Variants in CTU1 observed in about 807,000 individuals in gnomAD.
CTU1 encodes cytosolic thiouridylase subunit 1.
A neutral mutation model predicts 12.9 loss-of-function variants in CTU1; 15 were observed. The observed-to-expected ratio is 1.16, with a 90% CI of 0.78 to 1.79. CTU1 has a LOEUF of 1.79. CTU1 is among the 40% of genes most tolerant of loss of function. The pLI is 0.00. For missense variants in CTU1, 553 were observed against 550.5 expected (o/e 1.00, Z -0.05); for synonymous variants, 295 against 275.6 (o/e 1.07, Z -0.70).
chr19:51,102,104 A>T lies in CTU1; in HGVS notation c.508+1958T>A, dbSNP rs538920648. 5.3e-4 allele frequency among the ~76,000 whole-genome samples: 80 copies of T among 152,238 alleles called. 1 individual carries two copies. Among genetic ancestry groups the T allele is most frequent in the African/African-American group, 1.4e-3 (60 of 41,536 alleles). The stretch of plus-strand genomic sequence containing the variant: ...CTGCAACCTCCGCCTCCCGGGTTCA[A>T]GCAATTCTCCTGCCTCAGCCTCCCG... On this transcript the variant is annotated intron_variant, in intron 2 of 2. Coordinates refer to ENST00000421832, the MANE Select transcript of CTU1 (RefSeq NM_145232.4).
At position 51,102,188 on chromosome 19, in the gene CTU1, G is replaced by C. The variant is rs981553583; in HGVS notation, c.508+1874C>G. On this transcript the variant is annotated intron_variant, in intron 2 of 2. Transcript: ENST00000421832. ...TCAGCTAATTTTTGTATTCTTAGTAGAGACGGGGTTTCACCATGTTGGCCA... is the reference window on the plus strand; with the variant it reads ...TCAGCTAATTTTTGTATTCTTAGTACAGACGGGGTTTCACCATGTTGGCCA... Among the ~76,000 whole-genome samples, 3 of 152,286 alleles carry C rather than the reference G, an allele frequency of 2.0e-5. No homozygotes were observed. The South Asian group carries it at 6.2e-4, about 32-fold the overall frequency.
intron 2 of CTU1, among the ~76,000 whole-genome samples, chr19:51,100,792 A>G (rs1000702516): frequency 4.6e-5 from 7 of 152,182 alleles, no homozygotes; most frequent in African/African-American, 1.7e-4. Flanking sequence ...ACAAGATAAT[A>G]AATCTGTGTT....
chr19:51,101,220 T>C (rs1212117132), intron 2 of CTU1, among the ~76,000 whole-genome samples: 1 of 152,184 alleles, frequency 6.6e-6, no homozygotes, highest in Non-Finnish European at 1.5e-5. Flanking sequence ...CGGCTGGGAT[T>C]ACTAGCATGT....
rs748296305 is a variant in CTU1, at chr19:51,099,031, G to A, written c.617C>T (p.Ala206Val). Residue 206 changes from alanine (A) to valine (V), a missense_variant, in exon 3 of 3, where the codon GCC becomes GTC. Transcript: ENST00000421832. ...CTGCAGCGGGCGGCAGCGCGGCAGG[G>A]CGCCCCCCTCGCCGGGAGAGCCCAG... ...GGLGSPGEGG[A>V]LPRCRPLQFA... 6.6e-7 allele frequency: 1 copy of A among 1,511,534 alleles called. No homozygotes were observed. Among genetic ancestry groups the A allele is most frequent in the Non-Finnish European group, 8.8e-7 (1 of 1,133,968 alleles). The allele number at this position is 1,511,534 out of a possible 1,614,324, so 93.6% of individuals were successfully genotyped here.
At chr19:51,104,037 G>GCTCTGCGGCCCGTACTA in intron 2 of CTU1, 25 bp downstream of exon 2, 1 of 1,424,540 alleles carries the variant, frequency 7.0e-7, no homozygotes, top group Non-Finnish European at 9.1e-7. Context: ...GGAGAGTGCC[G>GCTCTGCGGCCCGTACTA]CTCTGCGGCC....
In CTU1 at chr19:51,104,539, C is replaced by T; in HGVS notation, c.31G>A (p.Ala11Thr). The change falls in exon 2 of 3, where the codon GCT (alanine) becomes ACT (threonine). Residue 11 changes from alanine to threonine, a missense_variant. Around this residue, in one of 2 missense-constraint regions of CTU1, gnomAD observed 500 missense variants for 458.5 expected, o/e 1.09. Transcript: ENST00000421832. ...GGACGGCGGAGGGCGGCGCGTGCAG[C>T]ATGGCAGGAGGCGCACGGCGGGGCG... MPAPPCASCHAARAALRRPLS... is the reference protein window; with the variant it reads MPAPPCASCHTARAALRRPLS... 7.9e-7 allele frequency: 1 copy of T among 1,264,888 alleles called. No individual in the cohort carries two copies. Among genetic ancestry groups the T allele is most frequent in the South Asian group, 2.9e-5 (1 of 34,656 alleles). 78.4% of individuals were successfully genotyped at this position (1,264,888 alleles called of 1,614,324 possible). A position where few individuals can be genotyped will look rare whatever the true frequency, so the allele number is the denominator to read the frequency against.
intron 2 of CTU1, among the ~76,000 whole-genome samples, chr19:51,102,660 A>G (rs1205223315): frequency 1.3e-5 from 2 of 152,110 alleles, no homozygotes; most frequent in Admixed American, 6.5e-5. Flanking sequence ...TTTCAAAGTG[A>G]AACTCTCTTC....
At chr19:51,099,161 G>C (rs1376375810) in intron 2 of CTU1, 22 bp from the exon 3 acceptor site, 1 of 1,559,404 alleles carries the variant, frequency 6.4e-7, no homozygotes, top group East Asian at 2.4e-5. Context: ...AGAAGGGAGC[G>C]GGTGAGGTGG....
intron 1 of CTU1, among the ~76,000 whole-genome samples, chr19:51,106,795 G>A (rs1437682084): frequency 1.3e-5 from 2 of 151,964 alleles, no homozygotes; most frequent in Non-Finnish European, 2.9e-5. Context: ...TGGGATTACA[G>A]GCGTAAGCCA....
Position 51,104,345 on chromosome 19 carries a change from C to A in CTU1, c.225G>T (p.Ala75=). The A allele has an allele frequency of 6.9e-7, 1 of 1,455,574 alleles. No homozygotes were observed. The highest frequency in any genetic ancestry group is 9.0e-7 in the Non-Finnish European group (1 of 1,108,816). The allele number at this position is 1,455,574 out of a possible 1,614,324, so 90.2% of individuals were successfully genotyped here. Residue 75 remains alanine, a synonymous_variant, in exon 2 of 3, where the codon GCG becomes GCT. Coordinates refer to ENST00000421832, the MANE Select transcript of CTU1 (RefSeq NM_145232.4). The stretch of plus-strand genomic sequence containing the variant: ...GCTGCAGTGAGATGCCCAGGCGCGG[C>A]GCCAGCGCGCGCAGCACGTGCGCCA... The part of the protein sequence containing the change: ...TVLAHVLRAL[A]PRLGISLQLV...
rs574623046 is a variant in CTU1 at position 51,106,613 on chromosome 19, C to A, written c.-22+1734G>T. 1.7e-3 allele frequency among the ~76,000 whole-genome samples: 256 copies of A among 152,174 alleles called. 2 individuals carry two copies. The highest frequency in any genetic ancestry group is 2.9e-3 in the Non-Finnish European group (198 of 68,022). On this transcript the variant is annotated intron_variant, in intron 1 of 2. Transcript: ENST00000421832. ...CTCTGCCTCCCAGGGTCAAGCGTTT[C>A]TCCTGCCTTAGCCACCCGAGTAACT...
intron 2 of CTU1, 103 bp from the exon 3 acceptor site, chr19:51,099,242 TG>T: frequency 9.2e-7 from 1 of 1,082,974 alleles, no homozygotes; most frequent in Non-Finnish European, 1.3e-6. Context: ...AGAGAGAGAC[TG>T]GGAGGAGAGA....
At chr19:51,106,522 T>G (rs2122801293) in intron 1 of CTU1, among the ~76,000 whole-genome samples, 1 of 150,638 alleles carries the variant, frequency 6.6e-6, no homozygotes, top group South Asian at 2.1e-4. Flanking sequence ...AATTTAATTT[T>G]TTGAGATGGA....
At chr19:51,106,551 G>C (rs2091921080) in intron 1 of CTU1, among the ~76,000 whole-genome samples, 1 of 152,046 alleles carries the variant, frequency 6.6e-6, no homozygotes, top group African/African-American at 2.4e-5. Context: ...CTGTTACCCA[G>C]GTGGAATGCA....
Position 51,102,598 on chromosome 19 carries a change from G to A in CTU1, c.508+1464C>T, listed in dbSNP as rs117864577. On this transcript the variant is annotated intron_variant, in intron 2 of 2. Coordinates refer to ENST00000421832, the MANE Select transcript of CTU1 (RefSeq NM_145232.4). The stretch of plus-strand genomic sequence containing the variant: ...GGCTTCCCACTGACTGGTCTCCTCG[G>A]CTTTGTCCCTGTCCCTCCAACCCAG... Among the ~76,000 whole-genome samples the A allele has an allele frequency of 3.8e-3, 574 of 152,300 alleles. 2 individuals carry two copies. Among genetic ancestry groups the A allele is most frequent in the South Asian group, 5.6e-3 (27 of 4,830 alleles).
Position 51,104,429 on chromosome 19 carries a change from C to T in CTU1, c.141G>A (p.Leu47=). 8.2e-7 allele frequency: 1 copy of T among 1,224,618 alleles called. No individual in the cohort carries two copies. Among genetic ancestry groups the T allele is most frequent in the Non-Finnish European group, 1.0e-6 (1 of 981,110 alleles). 75.9% of individuals were successfully genotyped at this position (1,224,618 alleles called of 1,614,324 possible). The change falls in exon 2 of 3, where the codon CTG becomes CTA. Residue 47 remains leucine, a synonymous_variant. Coordinates refer to ENST00000421832, the MANE Select transcript of CTU1 (RefSeq NM_145232.4). ...EVLHTVLAGR[L]LPPGAVVAVG... ...CGGCCACCACCGCGCCGGGCGGCAG[C>T]AGGCGGCCGGCGAGCACCGTGTGCA... is the stretch of plus-strand genomic sequence containing the variant.
chr19:51,102,581 A>C (rs930203198), intron 2 of CTU1, among the ~76,000 whole-genome samples: 1 of 152,138 alleles, frequency 6.6e-6, no homozygotes, highest in Admixed American at 6.5e-5. Context: ...CTGGCTTCCC[A>C]CTGACTGGTC....
In CTU1 at chr19:51,098,945, C is replaced by T. The variant is rs754545892; in HGVS notation, c.703G>A (p.Glu235Lys). ...AHFRRLDYFS[E>K]ECVYAPEAFR... The stretch of plus-strand genomic sequence containing the variant: ...GCCTCGGGCGCGTAGACGCACTCCT[C>T]GGAGAAGTAGTCGAGGCGGCGGAAG... The change falls in exon 3 of 3, where the codon GAG becomes AAG. Residue 235 changes from glutamate (E) to lysine (K), a missense_variant. Transcript: ENST00000421832. This position sits in a 1 kb window ranked among gnomAD's most constrained non-coding sequence, Gnocchi z 4.3. 14 of 1,542,572 alleles carry T rather than the reference C, an allele frequency of 9.1e-6. No homozygotes were observed. The highest frequency in any genetic ancestry group is 1.8e-5 in the Admixed American group (1 of 55,958).
In CTU1 at chr19:51,108,357, C is replaced by G. The variant is rs2091925328; in HGVS notation, c.-32G>C. 1 of 152,404 alleles carries G rather than the reference C, an allele frequency of 6.6e-6. No homozygotes were observed. Among genetic ancestry groups the G allele is most frequent in the East Asian group, 1.9e-4 (1 of 5,198 alleles). 9.4% of individuals were successfully genotyped at this position (152,404 alleles called of 1,614,324 possible). On this transcript the variant is annotated 5_prime_UTR_variant, in exon 1 of 3. Transcript: ENST00000421832. The surrounding 1 kb of genome is among the most constrained non-coding windows in gnomAD (Gnocchi z 4.5). ...GGAGGAAATACTCACCCGGGCAGAA[C>G]TCAGTGCTGGGATGCCCACACTGCC...
Sources: allele counts gnomAD v4.1 joint callset (sites outside exome capture counted in the v4.1 genomes callset), GRCh38; gene constraint gnomAD v4.1.1; regional missense constraint gnomAD v4.1.1; non-coding constraint Gnocchi (gnomAD v3.1); transcripts MANE v1.5; gene names NCBI Gene and HGNC (gene_info 2026-07-23, HGNC 2026-07-21).